Variants in NTRK2 observed in about 807,000 individuals in gnomAD.
NTRK2 encodes the protein BDNF/NT-3 growth factors receptor.
In NTRK2, 13 loss-of-function variants were observed where a neutral mutation model predicts 94.5. The ratio of observed to expected loss-of-function variants is 0.14; its 90% CI spans 0.09 to 0.22. The LOEUF is 0.22. Ranked by LOEUF, NTRK2 falls within the 10% of genes least tolerant of loss-of-function variation. The pLI is 1.00. For synonymous variants in NTRK2, 372 were observed against 407.4 expected, an observed-to-expected ratio of 0.91 and a Z score of 1.05; for missense variants, 639 against 1,071.2, an observed-to-expected ratio of 0.60 and a Z score of 5.63.
At chr9:84,969,211 A>G (rs1294364653) in intron 17 of NTRK2, among the ~76,000 whole-genome samples, 1 of 151,862 alleles carries the variant, frequency 6.6e-6, no homozygotes, top group Non-Finnish European at 1.5e-5. Flanking sequence ...AGCCACCACC[A>G]CTAAAAGCAT....
chr9:84,853,088 T>C (rs1309467836), intron 12 of NTRK2, among the ~76,000 whole-genome samples: 5 of 152,146 alleles, frequency 3.3e-5, no homozygotes, highest in Non-Finnish European at 5.9e-5. Flanking sequence ...GGAGAAAATC[T>C]AGGCCGGTTG....
In NTRK2 at chr9:85,022,041, T is replaced by C; in HGVS notation, c.*604T>C. The C allele has an allele frequency of 4.3e-6, 1 of 234,308 alleles. No individual in the cohort carries two copies. Among genetic ancestry groups the C allele is most frequent in the Non-Finnish European group, 8.4e-6 (1 of 118,822 alleles). 14.5% of individuals were successfully genotyped at this position (234,308 alleles called of 1,614,324 possible). A position where few individuals can be genotyped will look rare whatever the true frequency, so the allele number is the denominator to read the frequency against. ...AAGCCTGTGTATAAAAAAGAAAACTTGTGTTCAATCTGTGAAGCCTTTATC... is the reference window on the plus strand; with the variant it reads ...AAGCCTGTGTATAAAAAAGAAAACTCGTGTTCAATCTGTGAAGCCTTTATC... On this transcript the variant is annotated 3_prime_UTR_variant, in exon 19 of 19. Transcript: ENST00000277120.
Position 84,670,910 on chromosome 9 carries a change from A to G in NTRK2, c.162A>G (p.Ala54=). ...GCGACCCTTCTCCTGGCATCGTGGC[A>G]TTTCCGAGATTGGAGCCTAACAGTG... ...WCSDPSPGIV[A]FPRLEPNSVD... Residue 54 remains alanine, a synonymous_variant, in exon 2 of 19, where the codon GCA becomes GCG. Transcript: ENST00000277120. 2 of 1,610,708 alleles carry G rather than the reference A, an allele frequency of 1.2e-6. No individual in the cohort carries two copies. The highest frequency in any genetic ancestry group is 1.7e-6 in the Non-Finnish European group (2 of 1,180,006).
At chr9:85,012,874 G>T (rs1831782799) in intron 17 of NTRK2, among the ~76,000 whole-genome samples, 1 of 152,138 alleles carries the variant, frequency 6.6e-6, no homozygotes, top group Non-Finnish European at 1.5e-5. Flanking sequence ...ATTGAATGAT[G>T]TAAAAAGTAT....
intron 4 of NTRK2, 100 bp from the exon 5 acceptor site, chr9:84,707,744 C>T (rs1450748968): frequency 1.1e-6 from 1 of 919,272 alleles, no homozygotes; most frequent in Non-Finnish European, 1.8e-6. Flanking sequence ...ATATAATGAT[C>T]AAATAAAATT....
chr9:84,908,318 G>C (rs2077136570), intron 14 of NTRK2, among the ~76,000 whole-genome samples: 1 of 152,144 alleles, frequency 6.6e-6, no homozygotes, highest in African/African-American at 2.4e-5. Context: ...TGACTTGTCT[G>C]GTCATTAAAA....
chr9:84,747,109 T>C (rs1000356122), intron 11 of NTRK2, among the ~76,000 whole-genome samples: 1 of 151,836 alleles, frequency 6.6e-6, no homozygotes, highest in East Asian at 1.9e-4. Flanking sequence ...TGATATATAC[T>C]TGAACCAAGG....
chr9:84,910,695 G>A (rs1053097711), intron 14 of NTRK2, among the ~76,000 whole-genome samples: 16 of 152,228 alleles, frequency 1.1e-4, no homozygotes, highest in African/African-American at 3.6e-4. Context: ...GGGCATATCT[G>A]TCTGAGTCTG....
chr9:84,870,485 C>T (rs941841438), intron 14 of NTRK2, among the ~76,000 whole-genome samples: 5 of 150,122 alleles, frequency 3.3e-5, no homozygotes, highest in African/African-American at 1.2e-4. Flanking sequence ...TCTAGGTACA[C>T]ACCGTCATGT....
At chr9:84,865,797 C>G (rs2075564824) in intron 13 of NTRK2, among the ~76,000 whole-genome samples, 1 of 152,196 alleles carries the variant, frequency 6.6e-6, no homozygotes, top group Non-Finnish European at 1.5e-5. Context: ...GGTCAGTGGT[C>G]TGCTTCCATG....
At position 85,026,277 on chromosome 9, in the gene NTRK2, T is replaced by G; in HGVS notation, c.*4840T>G. Reference sequence around the variant, plus strand: ...GAGAAAAGATGGGGATGTCATTTTTTAGTCTATGCGTTTGAGGCCAGGTCC... The same window carrying G: ...GAGAAAAGATGGGGATGTCATTTTTGAGTCTATGCGTTTGAGGCCAGGTCC... On this transcript the variant is annotated 3_prime_UTR_variant, in exon 19 of 19. Coordinates refer to ENST00000277120, the MANE Select transcript of NTRK2 (RefSeq NM_006180.6). 1 of 231,780 alleles carries G rather than the reference T, an allele frequency of 4.3e-6. No homozygotes were observed. Among genetic ancestry groups the G allele is most frequent in the Admixed American group, 5.6e-5 (1 of 17,760 alleles). The allele number at this position is 231,780 out of a possible 1,614,324, so 14.4% of individuals were successfully genotyped here.
chr9:84,867,772 T>C (rs540389218), intron 14 of NTRK2, among the ~76,000 whole-genome samples: 1 of 152,262 alleles, frequency 6.6e-6, no homozygotes, highest in East Asian at 1.9e-4. Context: ...CATATATCAG[T>C]TATAGATGAC....
intron 14 of NTRK2, among the ~76,000 whole-genome samples, chr9:84,923,159 G>A (rs2077624095): frequency 6.6e-6 from 1 of 152,170 alleles, no homozygotes; most frequent in African/African-American, 2.4e-5. Flanking sequence ...TGGGAAGCTT[G>A]CATGGAGTTC....
intron 14 of NTRK2, among the ~76,000 whole-genome samples, chr9:84,923,337 T>G (rs559723012): frequency 6.6e-6 from 1 of 152,350 alleles, no homozygotes; most frequent in African/African-American, 2.4e-5. Context: ...TGCTTGTCAC[T>G]GTTATCGCTG....
intron 14 of NTRK2, among the ~76,000 whole-genome samples, chr9:84,926,169 C>CTTTCTTT (rs2077789303): frequency 1.2e-3 from 47 of 38,538 alleles, no homozygotes; most frequent in African/African-American, 1.8e-3. Context: ...TTCCTTCCTT[C>CTTTCTTT]CTTTCTTTCT....
rs1447225082 is a variant in NTRK2 at position 85,021,235 on chromosome 9, C to T, written c.2332-17C>T. On this transcript the variant is annotated splice_polypyrimidine_tract_variant and intron_variant, in intron 18 of 18. Transcript: ENST00000277120. ...TGCTTTTCCTCCTGTCTCATCCTATCTTTGATCTCCATCCAGGTGATAGAG... is the reference window on the plus strand; with the variant it reads ...TGCTTTTCCTCCTGTCTCATCCTATTTTTGATCTCCATCCAGGTGATAGAG... 1 of 1,612,946 alleles carries T rather than the reference C, an allele frequency of 6.2e-7. No homozygotes were observed. The highest frequency in any genetic ancestry group is 8.5e-7 in the Non-Finnish European group (1 of 1,179,046).
At chr9:84,791,189 G>C (rs1035383529) in intron 12 of NTRK2, among the ~76,000 whole-genome samples, 2 of 152,170 alleles carry the variant, frequency 1.3e-5, no homozygotes, top group African/African-American at 4.8e-5. Flanking sequence ...ACCAAGACAT[G>C]AAAGGGGGCC....
At chr9:84,985,159 T>C (rs1828142553) in intron 17 of NTRK2, among the ~76,000 whole-genome samples, 1 of 152,252 alleles carries the variant, frequency 6.6e-6, no homozygotes, top group African/African-American at 2.4e-5. Flanking sequence ...ATCAGGCAGA[T>C]AGGAAATAGC....
At chr9:84,984,716 C>T (rs1054436308) in intron 17 of NTRK2, among the ~76,000 whole-genome samples, 3 of 152,158 alleles carry the variant, frequency 2.0e-5, no homozygotes, top group Non-Finnish European at 4.4e-5. Context: ...AACCACAGTT[C>T]GTTAAGAAGT....
Sources: allele counts gnomAD v4.1 joint callset (sites outside exome capture counted in the v4.1 genomes callset), GRCh38; gene constraint gnomAD v4.1.1; transcripts MANE v1.5; gene names NCBI Gene and HGNC (gene_info 2026-07-23, HGNC 2026-07-21).